LRP1B: variants seen among roughly 807,000 people sequenced by gnomAD.
The protein encoded by LRP1B is LDL receptor related protein 1B, also known as low-density lipoprotein receptor-related protein 1B.
In LRP1B, 217 loss-of-function variants were observed where a neutral mutation model predicts 556.6. That is an observed-to-expected ratio of 0.39 (90% CI 0.35 to 0.44). The LOEUF is 0.44. Among genes scored for constraint, LRP1B ranks in the 20% least tolerant of loss-of-function variants. The probability of loss-of-function intolerance (pLI) is 1.00; values close to 1 mark genes in which losing one functional copy is unlikely to be tolerated. For missense variants in LRP1B, 5,053 were observed against 5,620.8 expected, an observed-to-expected ratio of 0.90 and a Z score of 3.23; for synonymous variants, 2,047 against 1,865.8, an observed-to-expected ratio of 1.10 and a Z score of -2.50.
intron 71 of LRP1B, among the ~76,000 whole-genome samples, chr2:140,365,376 AT>A (rs1682712216): frequency 6.6e-6 from 1 of 151,728 alleles, no homozygotes; most frequent in South Asian, 2.1e-4. Flanking sequence ...GATTGTTAAA[AT>A]GTTTGCATTT....
intron 43 of LRP1B, among the ~76,000 whole-genome samples, chr2:140,593,268 T>C (rs1406082639): frequency 1.3e-5 from 2 of 152,188 alleles, no homozygotes; most frequent in Non-Finnish European, 2.9e-5. Context: ...GCAATTCCAA[T>C]TTCTAGGAAC....
rs183931546 is a variant in LRP1B, at chr2:141,363,247, T to C, written c.344-108606A>G. Among the ~76,000 whole-genome samples, 369 of 152,338 alleles carry C rather than the reference T, an allele frequency of 2.4e-3. 2 individuals carry two copies. In the Middle Eastern group the frequency reaches 0.034, roughly 14 times the overall value. ...TTCAAAACCCATTCAAGTATTTAAA[T>C]GAATAGATCTTGATTATATTATCTT... On this transcript the variant is annotated intron_variant, in intron 3 of 90. Transcript: ENST00000389484.
At chr2:142,038,529 T>G (rs1703962929) in intron 1 of LRP1B, among the ~76,000 whole-genome samples, 1 of 151,608 alleles carries the variant, frequency 6.6e-6, no homozygotes, top group African/African-American at 2.4e-5. Context: ...AAGTGTTTTT[T>G]ATTATTTATG....
intron 2 of LRP1B, among the ~76,000 whole-genome samples, chr2:141,687,915 C>T (rs1691369788): frequency 8.4e-6 from 1 of 119,368 alleles, no homozygotes; most frequent in Admixed American, 8.9e-5. Context: ...AGAGGGTCTG[C>T]TGGTTTGGGC....
At chr2:140,442,363 T>C (rs1686466849) in intron 66 of LRP1B, 141 bp downstream of exon 66, 2 of 1,065,262 alleles carry the variant, frequency 1.9e-6, no homozygotes, top group Admixed American at 6.3e-5. Context: ...TAAGTTTTTA[T>C]GAATCTGTGA....
intron 43 of LRP1B, among the ~76,000 whole-genome samples, chr2:140,581,673 A>G (rs1228408588): frequency 1.3e-5 from 2 of 152,126 alleles, no homozygotes; most frequent in Admixed American, 6.5e-5. Flanking sequence ...CTACAATGAA[A>G]CTGAAACTAT....
At chr2:140,641,303 T>C (rs867195970) in intron 41 of LRP1B, among the ~76,000 whole-genome samples, 19 of 152,210 alleles carry the variant, frequency 1.2e-4, no homozygotes, top group Admixed American at 3.9e-4. Context: ...TCAATAGCAA[T>C]GAGTAAGGGT....
chr2:140,533,911 T>C (rs1355028756), intron 47 of LRP1B, 110 bp downstream of exon 47: 1 of 1,128,228 alleles, frequency 8.9e-7, no homozygotes, highest in Non-Finnish European at 1.3e-6. Context: ...GTGTGATCCA[T>C]AGATGTTACT....
intron 3 of LRP1B, among the ~76,000 whole-genome samples, chr2:141,331,800 G>C (rs965294216): frequency 6.6e-6 from 1 of 152,040 alleles, no homozygotes; most frequent in Middle Eastern, 3.2e-3. Context: ...TGTCTGTTAA[G>C]ATTGAGATAT....
At chr2:141,452,768 C>T (rs1173595762) in intron 3 of LRP1B, among the ~76,000 whole-genome samples, 3 of 152,200 alleles carry the variant, frequency 2.0e-5, no homozygotes, top group African/African-American at 7.2e-5. Context: ...CCTTGCTGAA[C>T]ACTTGTTGGT....
At chr2:141,693,336 C>T (rs1691616213) in intron 2 of LRP1B, among the ~76,000 whole-genome samples, 1 of 151,946 alleles carries the variant, frequency 6.6e-6, no homozygotes, top group African/African-American at 2.4e-5. Flanking sequence ...GAGGATTTGT[C>T]AACATGCTGT....
intron 3 of LRP1B, among the ~76,000 whole-genome samples, chr2:141,461,154 T>G (rs1019425329): frequency 3.3e-5 from 5 of 151,966 alleles, no homozygotes; most frequent in Non-Finnish European, 7.4e-5. Flanking sequence ...AGAGCCTGCA[T>G]AAGGGGAAAT....
chr2:141,591,581 G>GGTGTGTGTGTGTGTGT (rs72043982), intron 2 of LRP1B, among the ~76,000 whole-genome samples: 1 of 148,124 alleles, frequency 6.8e-6, no homozygotes, highest in Non-Finnish European at 1.5e-5. Context: ...ACTGCAGAGT[G>GGTGTGTGTGTGTGTGT]GTGTGTGTGT....
At chr2:140,645,580 C>A (rs1684452043) in intron 41 of LRP1B, among the ~76,000 whole-genome samples, 1 of 137,552 alleles carries the variant, frequency 7.3e-6, no homozygotes, top group East Asian at 2.1e-4. Context: ...TGCTCTGTCG[C>A]CCAGGCTGGA....
intron 85 of LRP1B, among the ~76,000 whole-genome samples, chr2:140,273,288 C>T (rs946282858): frequency 6.6e-6 from 1 of 151,770 alleles, no homozygotes; most frequent in African/African-American, 2.4e-5. Flanking sequence ...TGTCATGCTA[C>T]AGTTTCATCA....
intron 18 of LRP1B, among the ~76,000 whole-genome samples, chr2:140,978,050 A>G (rs1404280828): frequency 6.6e-6 from 1 of 152,150 alleles, no homozygotes; most frequent in African/African-American, 2.4e-5. Flanking sequence ...CTGCATCACC[A>G]ATTTACAAAT....
intron 67 of LRP1B, among the ~76,000 whole-genome samples, chr2:140,385,674 T>A (rs1315749116): frequency 3.3e-5 from 5 of 152,222 alleles, no homozygotes; most frequent in Non-Finnish European, 2.9e-5. Context: ...ATACCAGTTG[T>A]GAGAACTGTA....
chr2:141,043,037 C>CAAAAAAAAAAAAAA, intron 11 of LRP1B, among the ~76,000 whole-genome samples: 1 of 122,068 alleles, frequency 8.2e-6, no homozygotes. Context: ...ACAAAAAATA[C>CAAAAAAAAAAAAAA]AAAAAAAAAA....
chr2:140,588,038 TTAAGA>T (rs1156288454), intron 43 of LRP1B, among the ~76,000 whole-genome samples: 24 of 151,806 alleles, frequency 1.6e-4, no homozygotes, highest in African/African-American at 4.8e-4. Context: ...TGAAAGGAAA[TTAAGA>T]TAATATGCCA....
Sources: allele counts gnomAD v4.1 joint callset (sites outside exome capture counted in the v4.1 genomes callset), GRCh38; gene constraint gnomAD v4.1.1; transcripts MANE v1.5; gene names NCBI Gene and HGNC (gene_info 2026-07-23, HGNC 2026-07-21).